The following DPP10 variants were observed in gnomAD, a reference collection of about 807,000 sequenced individuals.
The protein encoded by DPP10 is dipeptidyl peptidase like 10.
Under a neutral mutation model 120.9 loss-of-function variants are expected in DPP10, and 33 were observed. That is an observed-to-expected ratio of 0.27 (90% CI 0.21 to 0.37). The LOEUF is 0.37. Among genes scored for constraint, DPP10 ranks in the 10% least tolerant of loss-of-function variants. The pLI is 1.00. For missense variants in DPP10, 816 were observed against 942.8 expected (o/e 0.87, Z 1.76); for synonymous variants, 337 against 326.1 (o/e 1.03, Z -0.36).
intron 1 of DPP10, among the ~76,000 whole-genome samples, chr2:115,166,514 T>TTA: frequency 7.0e-6 from 1 of 143,486 alleles, no homozygotes; most frequent in Non-Finnish European, 1.5e-5. Flanking sequence ...TTATATAAAT[T>TTA]TATAATATAA....
chr2:115,704,378 AT>A (rs1175951518), intron 7 of DPP10, among the ~76,000 whole-genome samples: 1 of 151,860 alleles, frequency 6.6e-6, no homozygotes, highest in Admixed American at 6.6e-5. Context: ...CTCTCAAATA[AT>A]TTTTAATACT....
intron 1 of DPP10, among the ~76,000 whole-genome samples, chr2:114,899,395 A>T (rs1330649542): frequency 2.0e-5 from 3 of 152,146 alleles, no homozygotes; most frequent in African/African-American, 7.2e-5. Flanking sequence ...CAACTATCAC[A>T]TATAACTAGA....
At chr2:115,679,423 C>T (rs2090499444) in intron 5 of DPP10, among the ~76,000 whole-genome samples, 1 of 152,186 alleles carries the variant, frequency 6.6e-6, no homozygotes, top group African/African-American at 2.4e-5. Context: ...TTCTCTCTTT[C>T]TGACTTGTGA....
intron 1 of DPP10, among the ~76,000 whole-genome samples, chr2:115,001,344 A>G (rs180742396): frequency 1.3e-4 from 20 of 152,318 alleles, no homozygotes; most frequent in East Asian, 3.9e-4. Context: ...ATAAAATTCA[A>G]TATCTCTTCA....
intron 1 of DPP10, among the ~76,000 whole-genome samples, chr2:114,675,602 A>C (rs978999528): frequency 6.6e-6 from 1 of 152,160 alleles, no homozygotes; most frequent in Non-Finnish European, 1.5e-5. Flanking sequence ...CATGAAGCTT[A>C]GCTCTGCAAA....
intron 1 of DPP10, among the ~76,000 whole-genome samples, chr2:114,508,039 C>A (rs1223978988): frequency 6.6e-6 from 1 of 151,964 alleles, no homozygotes; most frequent in East Asian, 1.9e-4. Flanking sequence ...CTCTTTCTTT[C>A]CTTTCTTCTT....
intron 3 of DPP10, among the ~76,000 whole-genome samples, chr2:115,434,742 T>A (rs1291868832): frequency 6.6e-6 from 1 of 151,796 alleles, no homozygotes; most frequent in Non-Finnish European, 1.5e-5. Flanking sequence ...ATGTTAATTA[T>A]CATCCACCTA....
At chr2:114,665,144 T>C (rs562788652) in intron 1 of DPP10, among the ~76,000 whole-genome samples, 1 of 152,134 alleles carries the variant, frequency 6.6e-6, no homozygotes, top group South Asian at 2.1e-4. Context: ...AGGAAAAAAA[T>C]GTATGCTGAA....
chr2:114,558,335 C>G (rs528316429), intron 1 of DPP10, among the ~76,000 whole-genome samples: 1 of 152,330 alleles, frequency 6.6e-6, no homozygotes, highest in East Asian at 1.9e-4. Context: ...ATTGGGCTCT[C>G]TTTCTGGTCT....
In DPP10 at chr2:114,531,963, T is replaced by G. The variant is rs188306825; in HGVS notation, c.60+89125T>G. On this transcript the variant is annotated intron_variant, in intron 1 of 25. Coordinates refer to ENST00000410059, the MANE Select transcript of DPP10 (RefSeq NM_020868.6). Reference sequence around the variant, plus strand: ...AGAAGATTGCCCTCCCCATTGTGGGTAGGCGTCATCTAATCCACTGAGGGG... The same window carrying G: ...AGAAGATTGCCCTCCCCATTGTGGGGAGGCGTCATCTAATCCACTGAGGGG... Among the ~76,000 whole-genome samples the G allele has an allele frequency of 4.3e-4, 66 of 151,936 alleles. 2 individuals carry two copies. The East Asian group carries it at 0.011, about 26-fold the overall frequency.
intron 1 of DPP10, among the ~76,000 whole-genome samples, chr2:115,181,656 C>T (rs1308197776): frequency 6.6e-6 from 1 of 152,132 alleles, no homozygotes; most frequent in African/African-American, 2.4e-5. Flanking sequence ...TATGGAGCCT[C>T]TTTTCTGCCA....
At chr2:114,561,123 C>G (rs1688729964) in intron 1 of DPP10, among the ~76,000 whole-genome samples, 1 of 152,172 alleles carries the variant, frequency 6.6e-6, no homozygotes, top group Non-Finnish European at 1.5e-5. Context: ...TGGAATATTT[C>G]CTTAACAGAC....
chr2:115,323,208 C>T (rs1296550870), intron 2 of DPP10, among the ~76,000 whole-genome samples: 4 of 152,126 alleles, frequency 2.6e-5, no homozygotes, highest in South Asian at 2.1e-4. Flanking sequence ...TTTGTTGTCA[C>T]GTCAACAGTG....
chr2:114,840,938 T>C (rs2106447576), intron 1 of DPP10, among the ~76,000 whole-genome samples: 1 of 152,198 alleles, frequency 6.6e-6, no homozygotes, highest in Non-Finnish European at 1.5e-5. Context: ...TCCTTACATA[T>C]GTAAATCACA....
chr2:115,476,820 A>G (rs1160618189), intron 3 of DPP10, among the ~76,000 whole-genome samples: 3 of 152,168 alleles, frequency 2.0e-5, no homozygotes. Flanking sequence ...ATTATACACC[A>G]TGACCCACTG....
chr2:115,344,542 T>C (rs1209621599), intron 3 of DPP10, among the ~76,000 whole-genome samples: 1 of 152,142 alleles, frequency 6.6e-6, no homozygotes, highest in Non-Finnish European at 1.5e-5. Flanking sequence ...TGAAATGACT[T>C]GGAAATATAT....
At chr2:114,502,440 G>A (rs747147793) in intron 1 of DPP10, among the ~76,000 whole-genome samples, 27 of 152,204 alleles carry the variant, frequency 1.8e-4, no homozygotes, top group African/African-American at 2.6e-4. Flanking sequence ...GTACCAGTAC[G>A]TAGACATATA....
At chr2:115,557,547 G>T (rs12990349) in intron 5 of DPP10, among the ~76,000 whole-genome samples, 80,558 of 152,016 alleles carry the variant, frequency 0.53, 24,073 homozygotes, top group Non-Finnish European at 0.69. Flanking sequence ...TCTTGTGACT[G>T]CCTTTCTAAA....
At chr2:114,555,779 CTT>C (rs1180039944) in intron 1 of DPP10, among the ~76,000 whole-genome samples, 1 of 152,152 alleles carries the variant, frequency 6.6e-6, no homozygotes, top group East Asian at 1.9e-4. Context: ...ATTCTTATTG[CTT>C]TATTGAGCAA....
Sources: allele counts gnomAD v4.1 joint callset (sites outside exome capture counted in the v4.1 genomes callset), GRCh38; gene constraint gnomAD v4.1.1; transcripts MANE v1.5; gene names NCBI Gene and HGNC (gene_info 2026-07-23, HGNC 2026-07-21).